The following DDR2 variants were observed in gnomAD, a reference collection of about 807,000 sequenced individuals.
DDR2 encodes the protein discoidin domain-containing receptor 2.
DDR2 carries 27 observed loss-of-function variants against 94.9 expected under a neutral mutation model. The ratio of observed to expected loss-of-function variants is 0.28; its 90% CI spans 0.21 to 0.39. DDR2 has a LOEUF of 0.39. Ranked by LOEUF, DDR2 falls within the 10% of genes least tolerant of loss-of-function variation. The pLI is 1.00. For synonymous variants in DDR2, 382 were observed against 377.2 expected (o/e 1.01, Z -0.15); for missense variants, 783 against 1,076.0 (o/e 0.73, Z 3.81).
chr1:162,728,206 C>G (rs925192853), intron 3 of DDR2, among the ~76,000 whole-genome samples: 4 of 143,858 alleles, frequency 2.8e-5, no homozygotes, highest in African/African-American at 7.7e-5. Flanking sequence ...ATAGATATAT[C>G]TTTATATATA....
intron 1 of DDR2, among the ~76,000 whole-genome samples, chr1:162,644,201 C>T (rs1203541222): frequency 6.6e-6 from 1 of 152,116 alleles, no homozygotes; most frequent in Non-Finnish European, 1.5e-5. Context: ...AAAAATGCTA[C>T]TTTTTAGCAT....
At chr1:162,648,762 G>A (rs769688524) in intron 1 of DDR2, among the ~76,000 whole-genome samples, 25 of 152,294 alleles carry the variant, frequency 1.6e-4, no homozygotes, top group Admixed American at 1.1e-3. Context: ...GCATGACCAC[G>A]AATGGTGGCA....
At chr1:162,683,857 G>A (rs1263258209) in intron 2 of DDR2, among the ~76,000 whole-genome samples, 3 of 151,900 alleles carry the variant, frequency 2.0e-5, no homozygotes, top group South Asian at 2.1e-4. Context: ...TCTCAGCAAC[G>A]TTGTTTTTTT....
intron 3 of DDR2, among the ~76,000 whole-genome samples, chr1:162,722,837 T>C (rs1231755030): frequency 6.6e-6 from 1 of 152,134 alleles, no homozygotes; most frequent in East Asian, 1.9e-4. Context: ...TTACTGTGAT[T>C]TTTATGATGT....
intron 2 of DDR2, among the ~76,000 whole-genome samples, chr1:162,669,601 C>A (rs1658737387): frequency 1.3e-5 from 2 of 152,116 alleles, no homozygotes; most frequent in South Asian, 4.1e-4. Context: ...TATCACCAAT[C>A]CTAATCACTA....
intron 2 of DDR2, among the ~76,000 whole-genome samples, chr1:162,675,763 G>T (rs1017593690): frequency 6.6e-6 from 1 of 152,154 alleles, no homozygotes; most frequent in Non-Finnish European, 1.5e-5. Flanking sequence ...GACCCTATTG[G>T]GTTGAGTTTT....
intron 1 of DDR2, among the ~76,000 whole-genome samples, chr1:162,633,547 A>C (rs1320213646): frequency 6.6e-6 from 1 of 152,234 alleles, no homozygotes; most frequent in East Asian, 1.9e-4. Flanking sequence ...CGACCTGTTC[A>C]AGTCCCACAG....
intron 2 of DDR2, among the ~76,000 whole-genome samples, chr1:162,706,320 C>G (rs185616364): frequency 6.6e-6 from 1 of 152,180 alleles, no homozygotes; most frequent in African/African-American, 2.4e-5. Flanking sequence ...TTTCCTCAAG[C>G]CTAGCCAGGG....
chr1:162,681,861 C>T (rs1050321309), intron 2 of DDR2, among the ~76,000 whole-genome samples: 8 of 152,154 alleles, frequency 5.3e-5, no homozygotes, highest in South Asian at 4.1e-4. Context: ...TGTATGTTCA[C>T]AGCACAGGAA....
intron 1 of DDR2, among the ~76,000 whole-genome samples, chr1:162,643,554 T>C (rs1036705119): frequency 1.3e-5 from 2 of 152,012 alleles, no homozygotes. Flanking sequence ...CGGTCTTGGC[T>C]CACTGTAACT....
chr1:162,728,828 T>C (rs572732501), intron 3 of DDR2, among the ~76,000 whole-genome samples: 2 of 152,030 alleles, frequency 1.3e-5, no homozygotes, highest in East Asian at 1.9e-4. Context: ...ACTGTGACAA[T>C]GGAGATCAAG....
At chr1:162,740,411 A>G (rs1481537304) in intron 3 of DDR2, among the ~76,000 whole-genome samples, 1 of 152,112 alleles carries the variant, frequency 6.6e-6, no homozygotes, top group Non-Finnish European at 1.5e-5. Flanking sequence ...TCCTTGCTGT[A>G]CCTCAAACCA....
chr1:162,724,184 G>A (rs181966991), intron 3 of DDR2, among the ~76,000 whole-genome samples: 97 of 152,238 alleles, frequency 6.4e-4, no homozygotes, highest in Non-Finnish European at 1.6e-4. Flanking sequence ...AAGCTAGGAC[G>A]AGGACCCAGG....
intron 2 of DDR2, among the ~76,000 whole-genome samples, chr1:162,673,372 T>C (rs548275796): frequency 6.6e-6 from 1 of 152,218 alleles, no homozygotes; most frequent in East Asian, 1.9e-4. Flanking sequence ...TTAATTCACA[T>C]AGGGCCGATT....
At chr1:162,754,481 G>C (rs1403763504) in intron 4 of DDR2, 143 bp from the exon 5 acceptor site, 1 of 785,642 alleles carries the variant, frequency 1.3e-6, no homozygotes. Flanking sequence ...TGGTGGCAGT[G>C]AAAACTGTGG....
chr1:162,686,399 G>A (rs1289321149), intron 2 of DDR2, among the ~76,000 whole-genome samples: 2 of 152,006 alleles, frequency 1.3e-5, no homozygotes, highest in African/African-American at 4.8e-5. Flanking sequence ...CCTGGTGTGT[G>A]ATATCCCACT....
intron 2 of DDR2, among the ~76,000 whole-genome samples, chr1:162,713,207 G>A (rs942482428): frequency 7.2e-5 from 11 of 152,172 alleles, no homozygotes; most frequent in African/African-American, 2.7e-4. Context: ...TGTGCAAGAT[G>A]TGCTAAGACA....
chr1:162,652,673 A>C (rs1657763413), intron 1 of DDR2, among the ~76,000 whole-genome samples: 1 of 152,238 alleles, frequency 6.6e-6, no homozygotes, highest in Non-Finnish European at 1.5e-5. Flanking sequence ...CATTTTGTAC[A>C]TAATTACAAT....
intron 10 of DDR2, among the ~76,000 whole-genome samples, chr1:162,766,868 C>T (rs1369674329): frequency 1.3e-5 from 2 of 151,898 alleles, no homozygotes; most frequent in African/African-American, 4.8e-5. Context: ...CCCATCTCTA[C>T]TAAAGATACA....
Sources: gnomAD v4.1 joint callset for allele counts (sites outside exome capture counted in the v4.1 genomes callset) on GRCh38, gnomAD v4.1.1 for gene constraint, MANE v1.5 for transcripts, NCBI Gene and HGNC (gene_info 2026-07-23, HGNC 2026-07-21) for gene names.